Variants in ENTPD6 observed in about 807,000 individuals in gnomAD.
ENTPD6 encodes the protein ectonucleoside triphosphate diphosphohydrolase 6.
ENTPD6 carries 46 observed loss-of-function variants against 61.5 expected under a neutral mutation model. That is an observed-to-expected ratio of 0.75 (90% CI 0.59 to 0.96). The LOEUF (loss-of-function observed/expected upper bound fraction) is 0.96. Ranked by LOEUF, ENTPD6 falls within the 40% of genes least tolerant of loss-of-function variation. ENTPD6 has a pLI of 0.00. For missense variants in ENTPD6, 612 were observed against 629.0 expected (o/e 0.97, Z 0.29); for synonymous variants, 252 against 255.5 (o/e 0.99, Z 0.13).
intron 3 of ENTPD6, among the ~76,000 whole-genome samples, chr20:25,209,113 TAA>T (rs2091751222): frequency 2.7e-4 from 27 of 98,926 alleles, no homozygotes; most frequent in South Asian, 7.4e-4. Context: ...TATTTTTATT[TAA>T]TTTTTTTTTT....
At chr20:25,213,488 C>G in intron 5 of ENTPD6, 82 bp downstream of exon 5, 1 of 1,424,858 alleles carries the variant, frequency 7.0e-7, no homozygotes, top group East Asian at 2.3e-5. Context: ...CTCACCAGTG[C>G]CGCACCATCA....
intron 1 of ENTPD6, among the ~76,000 whole-genome samples, chr20:25,205,088 G>A (rs1365883414): frequency 6.6e-6 from 1 of 152,126 alleles, no homozygotes; most frequent in Non-Finnish European, 1.5e-5. Context: ...GGGGGTAGAG[G>A]AGCAGCCTCT....
chr20:25,213,179 A>G, intron 4 of ENTPD6, 84 bp from the exon 5 acceptor site: 1 of 1,575,446 alleles, frequency 6.3e-7, no homozygotes, highest in South Asian at 1.1e-5. Context: ...CAGAAACCAA[A>G]AAAACCCAAA....
Position 25,214,921 on chromosome 20 carries a change from A to G in ENTPD6, c.652A>G (p.Ile218Val), listed in dbSNP as rs1309816222. 1.2e-6 allele frequency: 2 copies of G among 1,609,654 alleles called. No individual in the cohort carries two copies. The highest frequency in any genetic ancestry group is 1.7e-5 in the Admixed American group (1 of 60,016). ...CCTTGTAGGGGATGACTGTGTTTCC[A>G]TCATGAACGGAACAGATGAAGGTAA... ...PFLVGDDCVS[I>V]MNGTDEGVSA... Residue 218 changes from isoleucine to valine, a missense_variant, in exon 6 of 15, where the codon ATC becomes GTC. Physicochemically the swap from Ile to Val is conservative, Grantham distance 29. Transcript: ENST00000376652.
At chr20:25,219,648 G>T (rs937774576) in intron 10 of ENTPD6, among the ~76,000 whole-genome samples, 7 of 152,212 alleles carry the variant, frequency 4.6e-5, no homozygotes, top group Non-Finnish European at 1.0e-4. Flanking sequence ...GGCCACAGAG[G>T]CCTTCCCAAG....
rs368077357 is a variant in ENTPD6, at chr20:25,226,482, C to G, written c.*885C>G. On this transcript the variant is annotated 3_prime_UTR_variant, in exon 15 of 15. Transcript: ENST00000376652. ...CCATGTCTTAGGTGCAGCTGTGCCA[C>G]GGGTCAGCTGAGCCACAGTCCCAGA... is the stretch of plus-strand genomic sequence containing the variant. 1 of 152,704 alleles carries G rather than the reference C, an allele frequency of 6.5e-6. No homozygotes were observed. Among genetic ancestry groups the G allele is most frequent in the Admixed American group, 6.5e-5 (1 of 15,278 alleles). 9.5% of individuals were successfully genotyped at this position (152,704 alleles called of 1,614,324 possible).
intron 6 of ENTPD6, 96 bp from the exon 7 acceptor site, chr20:25,215,580 G>C: frequency 7.9e-7 from 1 of 1,267,926 alleles, no homozygotes; most frequent in Non-Finnish European, 1.2e-6. Flanking sequence ...ATCCCTTTAT[G>C]CTCCCCAGAT....
intron 4 of ENTPD6, among the ~76,000 whole-genome samples, chr20:25,211,403 C>T (rs1033435852): frequency 2.0e-5 from 3 of 152,200 alleles, no homozygotes; most frequent in Non-Finnish European, 4.4e-5. Context: ...TGTCCACGCT[C>T]CCCAGGGTAG....
intron 1 of ENTPD6, among the ~76,000 whole-genome samples, chr20:25,202,299 T>C (rs1251301714): frequency 1.3e-5 from 2 of 152,178 alleles, no homozygotes; most frequent in African/African-American, 4.8e-5. Flanking sequence ...CCCATGTTGT[T>C]TGAGGGTCAG....
intron 10 of ENTPD6, among the ~76,000 whole-genome samples, chr20:25,219,569 G>A (rs59202820): frequency 6.6e-6 from 1 of 152,216 alleles, no homozygotes; most frequent in Admixed American, 6.5e-5. Flanking sequence ...GGATTGCCAT[G>A]GTCTGCTTCA....
rs770351134 is a variant in ENTPD6, at chr20:25,214,916, T to C, written c.647T>C (p.Val216Ala). 5.0e-6 allele frequency: 8 copies of C among 1,609,774 alleles called. No individual in the cohort carries two copies. The South Asian group carries it at 8.8e-5, about 18-fold the overall frequency. ...ASPFLVGDDC[V>A]SIMNGTDEGV... ...CCTTTCCTTGTAGGGGATGACTGTG[T>C]TTCCATCATGAACGGAACAGATGAA... The change falls in exon 6 of 15, where the codon GTT (valine) becomes GCT (alanine). Residue 216 changes from valine to alanine, a missense_variant. Physicochemically the swap from Val to Ala is moderately conservative, Grantham distance 64. Coordinates refer to ENST00000376652, the MANE Select transcript of ENTPD6 (RefSeq NM_001247.5).
At chr20:25,220,920 T>C (rs1322206723) in intron 10 of ENTPD6, among the ~76,000 whole-genome samples, 1 of 152,244 alleles carries the variant, frequency 6.6e-6, no homozygotes, top group Non-Finnish European at 1.5e-5. Flanking sequence ...CAGTCACCTA[T>C]AAAACTGGGT....
rs1210545556 is a variant in ENTPD6, at chr20:25,211,888, A to G, written c.454-1375A>G. ...CAGTGGCACAATCACAGCTCACTGCAACCTCTGCCTCCCAGGCTCAAATGA... is the reference window on the plus strand; with the variant it reads ...CAGTGGCACAATCACAGCTCACTGCGACCTCTGCCTCCCAGGCTCAAATGA... On this transcript the variant is annotated intron_variant, in intron 4 of 14. Coordinates refer to ENST00000376652, the MANE Select transcript of ENTPD6 (RefSeq NM_001247.5). Among the ~76,000 whole-genome samples the G allele has an allele frequency of 7.9e-5, 12 of 152,216 alleles. No homozygotes were observed. The East Asian group carries it at 2.3e-3, about 29-fold the overall frequency.
At chr20:25,215,586 C>A in intron 6 of ENTPD6, 90 bp from the exon 7 acceptor site, 1 of 1,343,748 alleles carries the variant, frequency 7.4e-7, no homozygotes, top group South Asian at 1.2e-5. Context: ...TTATGCTCCC[C>A]AGATCTGCAA....
intron 9 of ENTPD6, among the ~76,000 whole-genome samples, chr20:25,218,242 C>T (rs1219974272): frequency 2.0e-5 from 3 of 152,228 alleles, no homozygotes; most frequent in Non-Finnish European, 4.4e-5. Context: ...CCTATTGCCA[C>T]GTGCAGTCTT....
chr20:25,200,560 T>C (rs1346744978), intron 1 of ENTPD6, among the ~76,000 whole-genome samples: 1 of 152,206 alleles, frequency 6.6e-6, no homozygotes, highest in Non-Finnish European at 1.5e-5. Flanking sequence ...TCATCTAGGT[T>C]ATCCAGTTTG....
intron 5 of ENTPD6, among the ~76,000 whole-genome samples, chr20:25,213,855 C>T (rs925347534): frequency 3.9e-5 from 6 of 152,128 alleles, no homozygotes; most frequent in African/African-American, 9.7e-5. Context: ...GAAGCTGAGG[C>T]GGGAGGATCG....
In ENTPD6 at chr20:25,203,783, C is replaced by T. The variant is rs145964475; in HGVS notation, c.-15-2739C>T. Among the ~76,000 whole-genome samples, 10 of 152,296 alleles carry T rather than the reference C, an allele frequency of 6.6e-5. No individual in the cohort carries two copies. The East Asian group carries it at 1.9e-3, about 29-fold the overall frequency. On this transcript the variant is annotated intron_variant, in intron 1 of 14. Transcript: ENST00000376652. Reference sequence around the variant, plus strand: ...ACTTCATTTTCTTCCTCTGAATGAGCTGTGTTTTCCTGTTTCTTTGTATGC... The same window carrying T: ...ACTTCATTTTCTTCCTCTGAATGAGTTGTGTTTTCCTGTTTCTTTGTATGC...
rs2091583882 is a variant in ENTPD6 at position 25,207,308 on chromosome 20, A to T, written c.287A>T (p.Asp96Val). The change falls in exon 3 of 15, where the codon GAC becomes GTC. Residue 96 changes from aspartate to valine, a missense_variant. Transcript: ENST00000376652. The stretch of plus-strand genomic sequence containing the variant: ...CACAGCCCCCTGGGGACAGCTGCAG[A>T]CGGGCACGAGGTCTTCTACGGGATC... ...QAHSPLGTAADGHEVFYGIMF... is the reference protein window; with the variant it reads ...QAHSPLGTAAVGHEVFYGIMF... 1.2e-6 allele frequency: 2 copies of T among 1,605,984 alleles called. No individual in the cohort carries two copies. The highest frequency in any genetic ancestry group is 4.5e-5 in the East Asian group (2 of 44,628).
Sources: allele counts gnomAD v4.1 joint callset (sites outside exome capture counted in the v4.1 genomes callset), GRCh38; gene constraint gnomAD v4.1.1; transcripts MANE v1.5; gene names NCBI Gene and HGNC (gene_info 2026-07-23, HGNC 2026-07-21).